The following CEP112 variants were observed in gnomAD, a reference collection of about 807,000 sequenced individuals.
CEP112 encodes the protein centrosomal protein of 112 kDa.
Under a neutral mutation model 153.0 loss-of-function variants are expected in CEP112, and 127 were observed. The ratio of observed to expected loss-of-function variants is 0.83; its 90% CI spans 0.72 to 0.96. The LOEUF (loss-of-function observed/expected upper bound fraction) is 0.96. CEP112 is among the 40% of genes least tolerant of loss of function. The pLI, the probability that CEP112 is intolerant of heterozygous loss-of-function variation, is 0.00. For synonymous variants in CEP112, 358 were observed against 374.4 expected, an observed-to-expected ratio of 0.96 and a Z score of 0.51; for missense variants, 1,089 against 1,101.2, an observed-to-expected ratio of 0.99 and a Z score of 0.16.
In CEP112 at chr17:65,977,882, C is replaced by A. The variant is rs183529181; in HGVS notation, c.1737-16284G>T. ...TTGAAGTCAGGAGTTCAAGACCAGC[C>A]TGGACAACACGGTAAAACCCTGTCT... On this transcript the variant is annotated intron_variant, in intron 17 of 26. Transcript: ENST00000535342. 1.6e-3 allele frequency among the ~76,000 whole-genome samples: 247 copies of A among 152,140 alleles called. 2 individuals are homozygous for A. Among genetic ancestry groups the A allele is most frequent in the African/African-American group, 5.6e-3 (232 of 41,498 alleles).
intron 21 of CEP112, among the ~76,000 whole-genome samples, chr17:65,820,447 T>C (rs2056475468): frequency 6.6e-6 from 1 of 152,118 alleles, no homozygotes; most frequent in Admixed American, 6.6e-5. Context: ...ACATGTCTTT[T>C]CATGATTTTC....
intron 12 of CEP112, among the ~76,000 whole-genome samples, chr17:66,052,702 G>C (rs1395622534): frequency 6.6e-6 from 1 of 152,138 alleles, no homozygotes; most frequent in Non-Finnish European, 1.5e-5. Flanking sequence ...ACACTGGTCA[G>C]AGTGGTCACA....
At chr17:66,166,451 C>T (rs985543430) in intron 4 of CEP112, among the ~76,000 whole-genome samples, 2 of 152,122 alleles carry the variant, frequency 1.3e-5, no homozygotes, top group African/African-American at 4.8e-5. Context: ...ACCACGTATA[C>T]TTCACTGAAA....
chr17:65,658,366 C>T (rs576988678), intron 24 of CEP112, among the ~76,000 whole-genome samples: 1 of 152,284 alleles, frequency 6.6e-6, no homozygotes, highest in African/African-American at 2.4e-5. Flanking sequence ...CTAGTCTGAT[C>T]TGAGGTGATG....
At chr17:65,927,488 T>C in intron 19 of CEP112, 94 bp downstream of exon 19, 2 of 693,156 alleles carry the variant, frequency 2.9e-6, no homozygotes, top group East Asian at 6.1e-5. Flanking sequence ...AGTAATATTT[T>C]CATTATGCAG....
At position 66,078,283 on chromosome 17, in the gene CEP112, G is replaced by A. The variant is rs553139885; in HGVS notation, c.769-8282C>T. Among the ~76,000 whole-genome samples, 397 of 134,852 alleles carry A rather than the reference G, an allele frequency of 2.9e-3. 2 individuals carry two copies. The highest frequency in any genetic ancestry group is 0.011 in the African/African-American group (364 of 34,152). The allele number at this position is 134,852 out of a possible 152,430, so 88.5% of individuals were successfully genotyped here. A position where few individuals can be genotyped will look rare whatever the true frequency, so the allele number is the denominator to read the frequency against. On this transcript the variant is annotated intron_variant, in intron 8 of 26. Coordinates refer to ENST00000535342, the MANE Select transcript of CEP112 (RefSeq NM_001199165.4). ...TTTTTCTTTTTTTTTTTTTTGAGAC[G>A]GAGTCTCACTCTGTTCCCATGCTGA...
At chr17:65,954,751 A>C (rs1179989079) in intron 18 of CEP112, among the ~76,000 whole-genome samples, 1 of 152,110 alleles carries the variant, frequency 6.6e-6, no homozygotes, top group Non-Finnish European at 1.5e-5. Context: ...TTGAACAAGC[A>C]GAAGAAAGAA....
intron 4 of CEP112, among the ~76,000 whole-genome samples, chr17:66,161,813 C>A (rs1288628272): frequency 2.0e-5 from 3 of 151,332 alleles, no homozygotes; most frequent in Non-Finnish European, 2.9e-5. Context: ...CACATGTATC[C>A]CAGAACTTAA....
chr17:66,000,601 T>C (rs2145385393), intron 17 of CEP112, among the ~76,000 whole-genome samples: 1 of 151,976 alleles, frequency 6.6e-6, no homozygotes, highest in African/African-American at 2.4e-5. Flanking sequence ...CGTCCAAACA[T>C]CATGCATAAC....
At chr17:65,649,580 G>C (rs144997540) in intron 24 of CEP112, among the ~76,000 whole-genome samples, 1 of 151,826 alleles carries the variant, frequency 6.6e-6, no homozygotes, top group Non-Finnish European at 1.5e-5. Context: ...TTAGCTGGGC[G>C]TGGTGGCATG....
intron 1 of CEP112, among the ~76,000 whole-genome samples, chr17:66,187,779 T>C (rs933394307): frequency 1.3e-5 from 2 of 152,188 alleles, no homozygotes; most frequent in East Asian, 3.9e-4. Context: ...TCCAGACTCA[T>C]TTACAATAGC....
rs1448602300 is a variant in CEP112 at position 65,843,858 on chromosome 17, T to G, written c.2394+7946A>C. Among the ~76,000 whole-genome samples the G allele has an allele frequency of 2.6e-5, 4 of 152,318 alleles. No homozygotes were observed. The East Asian group carries it at 7.7e-4, about 29-fold the overall frequency. On this transcript the variant is annotated intron_variant, in intron 21 of 26. Coordinates refer to ENST00000535342, the MANE Select transcript of CEP112 (RefSeq NM_001199165.4). ...ACATGAAGCTGAAAACAACTATTTA[T>G]AGTGGAGAATTTACAAAGGAAAAGA...
intron 5 of CEP112, among the ~76,000 whole-genome samples, chr17:66,130,775 CAA>C (rs539232836): frequency 2.3e-5 from 2 of 86,028 alleles, no homozygotes; most frequent in Non-Finnish European, 4.3e-5. Flanking sequence ...GACTCCGTCT[CAA>C]AAAAAAAAAA....
chr17:65,905,161 C>G (rs1023681116), intron 19 of CEP112, among the ~76,000 whole-genome samples: 6 of 152,182 alleles, frequency 3.9e-5, no homozygotes, highest in South Asian at 2.1e-4. Flanking sequence ...TCAGAGTGAA[C>G]AGACAACATA....
At chr17:66,042,505 T>C (rs184177533) in intron 12 of CEP112, among the ~76,000 whole-genome samples, 13 of 152,202 alleles carry the variant, frequency 8.5e-5, no homozygotes, top group Admixed American at 2.0e-4. Flanking sequence ...CATTTTACAA[T>C]ATGCCTAACC....
chr17:65,777,445 C>T (rs151301696), intron 21 of CEP112, among the ~76,000 whole-genome samples: 188 of 152,262 alleles, frequency 1.2e-3, no homozygotes, highest in African/African-American at 4.3e-3. Context: ...GCTGACTTGC[C>T]GCTTCCATCT....
At position 65,785,706 on chromosome 17, in the gene CEP112, T is replaced by C. The variant is rs1315450357; in HGVS notation, c.2395-34982A>G. On this transcript the variant is annotated intron_variant, in intron 21 of 26. Transcript: ENST00000535342. Reference sequence around the variant, plus strand: ...AAGAATTCTTTGCCTAATCCTGAAATGTCATGAAAATTTACTTGCATGTTT... The same window carrying C: ...AAGAATTCTTTGCCTAATCCTGAAACGTCATGAAAATTTACTTGCATGTTT... Among the ~76,000 whole-genome samples the C allele has an allele frequency of 5.9e-5, 9 of 152,332 alleles. No individual in the cohort carries two copies. The East Asian group carries it at 1.2e-3, about 20-fold the overall frequency.
chr17:65,858,181 A>G (rs2058189354), intron 20 of CEP112, among the ~76,000 whole-genome samples: 1 of 152,066 alleles, frequency 6.6e-6, no homozygotes, highest in African/African-American at 2.4e-5. Flanking sequence ...CTCTTCTTGT[A>G]CCAGTCATCT....
At chr17:66,031,765 G>T (rs920784820) in intron 12 of CEP112, among the ~76,000 whole-genome samples, 1 of 151,948 alleles carries the variant, frequency 6.6e-6, no homozygotes, top group African/African-American at 2.4e-5. Context: ...GCCAGTGAAA[G>T]ATTTAATTAG....
Sources: allele counts gnomAD v4.1 joint callset (sites outside exome capture counted in the v4.1 genomes callset), GRCh38; gene constraint gnomAD v4.1.1; transcripts MANE v1.5; gene names NCBI Gene and HGNC (gene_info 2026-07-23, HGNC 2026-07-21).